The following SIL1 variants were observed in gnomAD, a reference collection of about 807,000 sequenced individuals.
SIL1 encodes the protein nucleotide exchange factor SIL1.
A neutral mutation model predicts 49.1 loss-of-function variants in SIL1; 40 were observed. That is an observed-to-expected ratio of 0.81 (90% CI 0.63 to 1.06). SIL1 has a LOEUF of 1.06. SIL1 is among the 50% of genes least tolerant of loss of function. SIL1 has a pLI of 0.00. For missense variants in SIL1, 500 were observed against 572.6 expected, an observed-to-expected ratio of 0.87 and a Z score of 1.29; for synonymous variants, 253 against 250.8, an observed-to-expected ratio of 1.01 and a Z score of -0.08.
At position 139,068,786 on chromosome 5, in the gene SIL1, A is replaced by T. The variant is rs187011367; in HGVS notation, c.245-17740T>A. 2.8e-3 allele frequency among the ~76,000 whole-genome samples: 426 copies of T among 152,270 alleles called. 1 individual carries two copies. Among genetic ancestry groups the T allele is most frequent in the Non-Finnish European group, 4.7e-3 (321 of 68,016 alleles). On this transcript the variant is annotated intron_variant, in intron 3 of 9. Coordinates refer to ENST00000394817, the MANE Select transcript of SIL1 (RefSeq NM_022464.5). ...GAGCAATAGAAAGTATTATGGTACA[A>T]TCCTATACAATAAAATTATAATAAA...
chr5:138,957,869 C>T lies in SIL1; in HGVS notation c.768-5985G>A, dbSNP rs570854230. Among the ~76,000 whole-genome samples the T allele has an allele frequency of 4.1e-4, 63 of 151,908 alleles. 1 individual carries two copies. Among genetic ancestry groups the T allele is most frequent in the Admixed American group, 2.9e-3 (44 of 15,270 alleles). ...CAGATATTTATTCAGCTTTTGCCAG[C>T]TGTCCCAATAATAGTCCTTACCCCC... On this transcript the variant is annotated intron_variant, in intron 7 of 9. Coordinates refer to ENST00000394817, the MANE Select transcript of SIL1 (RefSeq NM_022464.5).
chr5:138,961,032 A>G (rs930494474), intron 7 of SIL1, among the ~76,000 whole-genome samples: 5 of 152,230 alleles, frequency 3.3e-5, no homozygotes, highest in African/African-American at 9.6e-5. Context: ...AAACTTTTCT[A>G]TATGGAGGGA....
intron 3 of SIL1, among the ~76,000 whole-genome samples, chr5:139,073,039 C>T (rs1769870146): frequency 6.6e-6 from 1 of 151,930 alleles, no homozygotes; most frequent in African/African-American, 2.4e-5. Context: ...TGGCTACTAC[C>T]AAAAAGACAA....
chr5:138,988,632 T>C (rs1163616138), intron 7 of SIL1, among the ~76,000 whole-genome samples: 1 of 152,202 alleles, frequency 6.6e-6, no homozygotes, highest in Admixed American at 6.5e-5. Flanking sequence ...CCTAAGAAGC[T>C]CTTTATGGAC....
At chr5:139,013,480 G>T (rs1768329725) in intron 7 of SIL1, 1 of 152,166 alleles carries the variant, frequency 6.6e-6, no homozygotes, top group Non-Finnish European at 1.5e-5. Flanking sequence ...CTAGGGAATA[G>T]CAAATGTTCC....
chr5:139,014,536 A>G (rs1450972198), intron 7 of SIL1, among the ~76,000 whole-genome samples: 2 of 152,216 alleles, frequency 1.3e-5, no homozygotes, highest in African/African-American at 2.4e-5. Flanking sequence ...GAGAAGGCAG[A>G]GGTACATCAC....
At chr5:138,979,240 T>C (rs2150397940) in intron 7 of SIL1, among the ~76,000 whole-genome samples, 1 of 152,136 alleles carries the variant, frequency 6.6e-6, no homozygotes, top group African/African-American at 2.4e-5. Flanking sequence ...AATTTCTGTA[T>C]TTTTAGTAGA....
At chr5:139,130,283 CTAAAAAAAA>C (rs1750836291) in intron 1 of SIL1, among the ~76,000 whole-genome samples, 1 of 150,662 alleles carries the variant, frequency 6.6e-6, no homozygotes, top group Admixed American at 6.6e-5. Context: ...GATTCTGCCA[CTAAAAAAAA>C]TAAAAAAAAT....
At chr5:139,194,036 T>A (rs904933139) in intron 1 of SIL1, among the ~76,000 whole-genome samples, 4 of 152,242 alleles carry the variant, frequency 2.6e-5, no homozygotes, top group Non-Finnish European at 5.9e-5. Context: ...ATGAATTGAT[T>A]ATGCCACTTC....
At position 139,063,639 on chromosome 5, in the gene SIL1, CATA is replaced by C. The variant is rs1202947430; in HGVS notation, c.245-12596_245-12594del. 4.6e-5 allele frequency among the ~76,000 whole-genome samples: 7 copies of C among 152,268 alleles called. No individual in the cohort carries two copies. The East Asian group carries it at 1.4e-3, about 29-fold the overall frequency. ...GAGATACTGATAATGAGCTTTACTT[CATA>C]ATAAGGAGGGAAACAAATTGGAAGT... On this transcript the variant is annotated intron_variant, in intron 3 of 9. Transcript: ENST00000394817.
At chr5:139,136,837 A>G (rs551548241) in intron 1 of SIL1, among the ~76,000 whole-genome samples, 2 of 152,234 alleles carry the variant, frequency 1.3e-5, no homozygotes, top group African/African-American at 2.4e-5. Context: ...CCATGGGTGC[A>G]ACAGAGGGAT....
intron 3 of SIL1, among the ~76,000 whole-genome samples, chr5:139,092,614 G>A (rs1770366270): frequency 6.6e-6 from 1 of 152,116 alleles, no homozygotes; most frequent in East Asian, 1.9e-4. Context: ...CAGGTATGAT[G>A]GGCACCACAC....
At chr5:139,122,062 A>T (rs1390253689) in intron 2 of SIL1, among the ~76,000 whole-genome samples, 1 of 152,154 alleles carries the variant, frequency 6.6e-6, no homozygotes, top group African/African-American at 2.4e-5. Context: ...AACAAGGAGG[A>T]ACCCACATTA....
intron 7 of SIL1, among the ~76,000 whole-genome samples, chr5:139,003,192 C>G (rs1028828866): frequency 4.6e-5 from 7 of 152,044 alleles, no homozygotes; most frequent in Non-Finnish European, 8.8e-5. Flanking sequence ...ATTCTACAAG[C>G]AGGAGATGAG....
chr5:138,961,319 G>A (rs1767015567), intron 7 of SIL1, among the ~76,000 whole-genome samples: 1 of 152,176 alleles, frequency 6.6e-6, no homozygotes, highest in South Asian at 2.1e-4. Context: ...TGTCTAATTT[G>A]GAGAAGCCAG....
intron 7 of SIL1, among the ~76,000 whole-genome samples, chr5:138,974,887 G>A (rs1315426710): frequency 1.3e-5 from 2 of 152,150 alleles, no homozygotes; most frequent in East Asian, 3.8e-4. Flanking sequence ...CCTCACATGA[G>A]TCTGTGAAGC....
chr5:138,992,893 TA>T (rs551948913), intron 7 of SIL1, among the ~76,000 whole-genome samples: 2 of 151,854 alleles, frequency 1.3e-5, no homozygotes, highest in South Asian at 2.1e-4. Context: ...AAATAATAAT[TA>T]AAAAAATATA....
intron 1 of SIL1, among the ~76,000 whole-genome samples, chr5:139,187,486 C>T (rs1752095829): frequency 1.3e-5 from 2 of 149,884 alleles, no homozygotes; most frequent in South Asian, 4.2e-4. Context: ...CACTCCACTC[C>T]AGCCTGGGGC....
At chr5:139,049,903 G>T (rs777189371) in intron 4 of SIL1, among the ~76,000 whole-genome samples, 13 of 152,052 alleles carry the variant, frequency 8.5e-5, no homozygotes, top group Non-Finnish European at 1.2e-4. Context: ...TTAGCACAGG[G>T]TCAGCAAACT....
Sources: allele counts gnomAD v4.1 joint callset (sites outside exome capture counted in the v4.1 genomes callset), GRCh38; gene constraint gnomAD v4.1.1; transcripts MANE v1.5; gene names NCBI Gene and HGNC (gene_info 2026-07-23, HGNC 2026-07-21).